KIF26B: variants seen among roughly 807,000 people sequenced by gnomAD.
KIF26B encodes the protein kinesin-like protein KIF26B.
A neutral mutation model predicts 151.2 loss-of-function variants in KIF26B; 63 were observed. That is an observed-to-expected ratio of 0.42 (90% CI 0.34 to 0.51). KIF26B has a LOEUF of 0.51. Among genes scored for constraint, KIF26B ranks in the 20% least tolerant of loss-of-function variants. The pLI is 0.07. For missense variants in KIF26B, 2,813 were observed against 2,913.6 expected, an observed-to-expected ratio of 0.97 and a Z score of 0.79; for synonymous variants, 1,357 against 1,262.1, an observed-to-expected ratio of 1.08 and a Z score of -1.59.
intron 4 of KIF26B, among the ~76,000 whole-genome samples, chr1:245,467,621 G>A (rs1002731376): frequency 3.2e-4 from 48 of 152,172 alleles, no homozygotes; most frequent in African/African-American, 1.0e-3. Flanking sequence ...GAGGCCGGGC[G>A]CGGTGGCTCA....
At chr1:245,673,379 GCGCGC>G (rs2044318594) in intron 10 of KIF26B, among the ~76,000 whole-genome samples, 4 of 136,604 alleles carry the variant, frequency 2.9e-5, no homozygotes, top group Admixed American at 7.2e-5. Flanking sequence ...AGTCCCCGCT[GCGCGC>G]TGCCATCTTA....
At chr1:245,291,276 G>A (rs937841228) in intron 2 of KIF26B, among the ~76,000 whole-genome samples, 1 of 152,228 alleles carries the variant, frequency 6.6e-6, no homozygotes, top group East Asian at 1.9e-4. Flanking sequence ...GATACGTGGA[G>A]GAGAGTAATT....
At chr1:245,335,102 T>G (rs559858331) in intron 2 of KIF26B, among the ~76,000 whole-genome samples, 43 of 152,280 alleles carry the variant, frequency 2.8e-4, no homozygotes, top group South Asian at 1.9e-3. Flanking sequence ...TGATTTCCTT[T>G]TGCCCTGCTT....
At chr1:245,331,891 C>T (rs545784997) in intron 2 of KIF26B, among the ~76,000 whole-genome samples, 8 of 152,108 alleles carry the variant, frequency 5.3e-5, no homozygotes, top group African/African-American at 1.2e-4. Flanking sequence ...CTTTGGGAGG[C>T]GAGGTGGGCA....
chr1:245,593,513 A>G (rs982735971), intron 5 of KIF26B, among the ~76,000 whole-genome samples: 1 of 152,030 alleles, frequency 6.6e-6, no homozygotes, highest in African/African-American at 2.4e-5. Flanking sequence ...ATCCTTTTTT[A>G]TGGCTGCATA....
At chr1:245,336,718 A>T (rs9428641) in intron 2 of KIF26B, among the ~76,000 whole-genome samples, 1 of 151,758 alleles carries the variant, frequency 6.6e-6, no homozygotes, top group African/African-American at 2.4e-5. Flanking sequence ...GACCTTCCTC[A>T]CCTGAATACA....
intron 2 of KIF26B, among the ~76,000 whole-genome samples, chr1:245,228,868 A>G (rs567145896): frequency 6.6e-6 from 1 of 152,272 alleles, no homozygotes; most frequent in Non-Finnish European, 1.5e-5. Context: ...TTCTCCAATC[A>G]CCGCATGATA....
chr1:245,341,493 A>T (rs1168016620), intron 2 of KIF26B, among the ~76,000 whole-genome samples: 3 of 151,792 alleles, frequency 2.0e-5, no homozygotes, highest in Admixed American at 1.3e-4. Context: ...CTAATTTTTT[A>T]AAAATTTTTG....
chr1:245,224,099 A>G (rs961124906), intron 2 of KIF26B, among the ~76,000 whole-genome samples: 24 of 152,154 alleles, frequency 1.6e-4, no homozygotes, highest in Admixed American at 8.5e-4. Flanking sequence ...AGCCTGACCA[A>G]TAGGGACAAA....
chr1:245,156,244 G>A (rs1208218430), intron 1 of KIF26B, 38 bp from the exon 2 acceptor site: 4 of 1,536,928 alleles, frequency 2.6e-6, no homozygotes, highest in Admixed American at 2.0e-5. Flanking sequence ...GCAGCCCGCC[G>A]CCTTGCAGCC....
intron 2 of KIF26B, among the ~76,000 whole-genome samples, chr1:245,220,410 AGTCCAGGGTCCAGG>A (rs66870554): frequency 1.5e-4 from 14 of 92,292 alleles, no homozygotes; most frequent in African/African-American, 3.8e-4. Context: ...CAGACGATGG[AGTCCAGGGTCCAGG>A]GTCCAGGGTC....
chr1:245,263,151 C>T (rs2103571304), intron 2 of KIF26B, among the ~76,000 whole-genome samples: 2 of 152,128 alleles, frequency 1.3e-5, no homozygotes, highest in Non-Finnish European at 2.9e-5. Flanking sequence ...GTAGGAGAAA[C>T]ATCCACTGGG....
chr1:245,237,485 C>T (rs766341966), intron 2 of KIF26B, among the ~76,000 whole-genome samples: 1 of 152,078 alleles, frequency 6.6e-6, no homozygotes, highest in Non-Finnish European at 1.5e-5. Context: ...ATCACCCAGC[C>T]GTGGTAAGGC....
At chr1:245,675,523 A>G (rs1355814326) in intron 10 of KIF26B, among the ~76,000 whole-genome samples, 1 of 152,208 alleles carries the variant, frequency 6.6e-6, no homozygotes, top group African/African-American at 2.4e-5. Context: ...AAAAGGCCAC[A>G]TCTATCTTTG....
intron 2 of KIF26B, among the ~76,000 whole-genome samples, chr1:245,246,962 CAG>C (rs1670346262): frequency 6.7e-6 from 1 of 149,832 alleles, no homozygotes; most frequent in Non-Finnish European, 1.5e-5. Flanking sequence ...CACACACACA[CAG>C]ACACAGACAC....
intron 10 of KIF26B, among the ~76,000 whole-genome samples, chr1:245,651,626 G>T (rs943999144): frequency 6.6e-6 from 1 of 152,234 alleles, no homozygotes; most frequent in Non-Finnish European, 1.5e-5. Context: ...TCCCTGGCTT[G>T]TTGGGAACCA....
intron 3 of KIF26B, among the ~76,000 whole-genome samples, chr1:245,399,403 C>T (rs139120161): frequency 2.0e-5 from 3 of 152,286 alleles, no homozygotes; most frequent in African/African-American, 7.2e-5. Flanking sequence ...ACATTATGTA[C>T]ATGGTTGACT....
intron 4 of KIF26B, among the ~76,000 whole-genome samples, chr1:245,486,507 C>T (rs541485964): frequency 2.3e-4 from 35 of 152,180 alleles, no homozygotes; most frequent in African/African-American, 7.7e-4. Context: ...GTGCTCACGG[C>T]AATCCAGTAG....
chr1:245,501,273 C>T (rs1314621307), intron 4 of KIF26B, among the ~76,000 whole-genome samples: 1 of 152,178 alleles, frequency 6.6e-6, no homozygotes, highest in Admixed American at 6.5e-5. Context: ...CTTTGTGTTT[C>T]AATGTCCTTA....
Sources: gnomAD v4.1 joint callset for allele counts (sites outside exome capture counted in the v4.1 genomes callset) on GRCh38, gnomAD v4.1.1 for gene constraint, MANE v1.5 for transcripts, NCBI Gene and HGNC (gene_info 2026-07-23, HGNC 2026-07-21) for gene names.